ITGA9: variants seen among roughly 807,000 people sequenced by gnomAD.
The protein encoded by ITGA9 is integrin subunit alpha 9.
A neutral mutation model predicts 127.8 loss-of-function variants in ITGA9; 56 were observed. That is an observed-to-expected ratio of 0.44 (90% CI 0.35 to 0.55). ITGA9 has a LOEUF of 0.55. Among genes scored for constraint, ITGA9 ranks in the 20% least tolerant of loss-of-function variants. The pLI, the probability that ITGA9 is intolerant of heterozygous loss-of-function variation, is 0.00. For synonymous variants in ITGA9, 508 were observed against 514.5 expected, an observed-to-expected ratio of 0.99 and a Z score of 0.17; for missense variants, 1,196 against 1,347.1, an observed-to-expected ratio of 0.89 and a Z score of 1.76.
At chr3:37,569,062 T>C (rs557876417) in intron 15 of ITGA9, among the ~76,000 whole-genome samples, 4 of 152,318 alleles carry the variant, frequency 2.6e-5, no homozygotes, top group African/African-American at 9.6e-5. Context: ...AGTCCATTTT[T>C]ACACTGCTGA....
At chr3:37,515,747 A>G (rs1373385652) in intron 9 of ITGA9, among the ~76,000 whole-genome samples, 1 of 152,148 alleles carries the variant, frequency 6.6e-6, no homozygotes. Context: ...CAGTTAGTCA[A>G]CAAGCCAACA....
chr3:37,727,992 C>G (rs528637346), intron 18 of ITGA9, among the ~76,000 whole-genome samples: 119 of 152,312 alleles, frequency 7.8e-4, no homozygotes, highest in African/African-American at 2.6e-3. Context: ...CTGCTTCACT[C>G]TGTATTTGAT....
intron 16 of ITGA9, among the ~76,000 whole-genome samples, chr3:37,632,844 G>A (rs898877567): frequency 6.6e-6 from 1 of 152,170 alleles, no homozygotes; most frequent in Non-Finnish European, 1.5e-5. Context: ...TGTTCTGAGG[G>A]AAAATGATTT....
Position 37,819,259 on chromosome 3 carries a change from C to T in ITGA9, c.*270C>T. 3.8e-6 allele frequency: 2 copies of T among 532,898 alleles called. No homozygotes were observed. Among genetic ancestry groups the T allele is most frequent in the Non-Finnish European group, 6.7e-6 (2 of 296,926 alleles). 33.0% of individuals were successfully genotyped at this position (532,898 alleles called of 1,614,324 possible). Reference sequence around the variant, plus strand: ...GAGCAATATTTATGGATGCAACACGCATGGTCAACCCTCAGGGGAAAACTG... The same window carrying T: ...GAGCAATATTTATGGATGCAACACGTATGGTCAACCCTCAGGGGAAAACTG... On this transcript the variant is annotated 3_prime_UTR_variant, in exon 28 of 28. Transcript: ENST00000264741.
intron 1 of ITGA9, among the ~76,000 whole-genome samples, chr3:37,465,351 G>C (rs1387913360): frequency 6.6e-6 from 1 of 152,210 alleles, no homozygotes; most frequent in Non-Finnish European, 1.5e-5. Flanking sequence ...GGGAGCTCAG[G>C]AAGCAGCTTT....
chr3:37,810,696 G>A (rs1697358865), intron 27 of ITGA9, among the ~76,000 whole-genome samples: 1 of 152,072 alleles, frequency 6.6e-6, no homozygotes, highest in Non-Finnish European at 1.5e-5. Flanking sequence ...GATTACAGGT[G>A]TGAGCCACCA....
intron 26 of ITGA9, among the ~76,000 whole-genome samples, chr3:37,789,547 C>T (rs1355309991): frequency 3.3e-5 from 5 of 149,694 alleles, no homozygotes; most frequent in Non-Finnish European, 7.4e-5. Flanking sequence ...ACCACAAAGT[C>T]AGGAGATCGA....
intron 15 of ITGA9, among the ~76,000 whole-genome samples, chr3:37,567,838 A>G (rs979537067): frequency 6.6e-6 from 1 of 152,172 alleles, no homozygotes; most frequent in Admixed American, 6.5e-5. Context: ...GTGGCTTTGC[A>G]GGGTATAGCA....
intron 26 of ITGA9, among the ~76,000 whole-genome samples, chr3:37,797,490 T>G (rs1439744764): frequency 6.6e-6 from 1 of 152,206 alleles, no homozygotes; most frequent in Non-Finnish European, 1.5e-5. Flanking sequence ...TGATTAATTC[T>G]GCTGAAAACA....
chr3:37,818,251 CTTTTTTT>C (rs1165189273), intron 27 of ITGA9: 2 of 57,022 alleles, frequency 3.5e-5, no homozygotes, highest in African/African-American at 6.0e-5. Context: ...ACCATGAAAC[CTTTTTTT>C]TTTTTTTTTT....
intron 17 of ITGA9, among the ~76,000 whole-genome samples, chr3:37,666,697 G>T (rs1314948510): frequency 6.6e-6 from 1 of 152,160 alleles, no homozygotes; most frequent in Non-Finnish European, 1.5e-5. Context: ...GCTACATTCT[G>T]TTGATCAAAG....
intron 9 of ITGA9, among the ~76,000 whole-genome samples, chr3:37,516,969 C>T (rs1373801924): frequency 2.0e-5 from 3 of 152,142 alleles, no homozygotes; most frequent in Admixed American, 2.0e-4. Flanking sequence ...TGACGTCTGC[C>T]ATCACAGCCA....
At chr3:37,787,608 T>G (rs530346104) in intron 26 of ITGA9, among the ~76,000 whole-genome samples, 1 of 152,204 alleles carries the variant, frequency 6.6e-6, no homozygotes, top group African/African-American at 2.4e-5. Context: ...CTACAATCTG[T>G]TGTTCTCAAT....
intron 18 of ITGA9, among the ~76,000 whole-genome samples, chr3:37,688,070 A>C (rs946688110): frequency 8.5e-5 from 13 of 152,214 alleles, no homozygotes; most frequent in Non-Finnish European, 4.4e-5. Context: ...ATCATGGAGA[A>C]CCATTCCCTG....
At chr3:37,784,894 A>G (rs1396013916) in intron 25 of ITGA9, 83 bp from the exon 26 acceptor site, 4 of 1,162,936 alleles carry the variant, frequency 3.4e-6, no homozygotes, top group Admixed American at 1.8e-5. Flanking sequence ...GAATCATGGA[A>G]TTTCAGTTCT....
rs1463572452 is a variant in ITGA9 at position 37,513,808 on chromosome 3, G to A, written c.943G>A (p.Gly315Arg). The A allele has an allele frequency of 6.2e-7, 1 of 1,614,014 alleles. No individual in the cohort carries two copies. The highest frequency in any genetic ancestry group is 8.5e-7 in the Non-Finnish European group (1 of 1,180,036). The change falls in exon 9 of 28, where the codon GGG (glycine) becomes AGG (arginine). Residue 315 changes from glycine to arginine, a missense_variant. Coordinates refer to ENST00000264741, the MANE Select transcript of ITGA9 (RefSeq NM_002207.3). ...CTCCTTGTGCGCAGTTGACCTGAATGGGGACGGCCTCTCTGACCTGCTGGT... is the reference window on the plus strand; with the variant it reads ...CTCCTTGTGCGCAGTTGACCTGAATAGGGACGGCCTCTCTGACCTGCTGGT... ...GSSLCAVDLN[G>R]DGLSDLLVGA...
chr3:37,747,695 CTTAT>C (rs1332755944), intron 22 of ITGA9, among the ~76,000 whole-genome samples: 1 of 149,534 alleles, frequency 6.7e-6, no homozygotes, highest in African/African-American at 2.5e-5. Context: ...CTATATCTGG[CTTAT>C]TTCTTTCCTT....
At chr3:37,460,321 A>G (rs950915707) in intron 1 of ITGA9, among the ~76,000 whole-genome samples, 2 of 152,246 alleles carry the variant, frequency 1.3e-5, no homozygotes, top group Admixed American at 1.3e-4. Flanking sequence ...AATAAAAGGC[A>G]TGAATGGGTA....
intron 15 of ITGA9, among the ~76,000 whole-genome samples, chr3:37,615,394 C>T (rs1403823303): frequency 2.0e-5 from 3 of 152,084 alleles, no homozygotes; most frequent in African/African-American, 2.4e-5. Flanking sequence ...ATTTTTACAT[C>T]GATGTTCATC....
Sources: gnomAD v4.1 joint callset for allele counts (sites outside exome capture counted in the v4.1 genomes callset) on GRCh38, gnomAD v4.1.1 for gene constraint, MANE v1.5 for transcripts, NCBI Gene and HGNC (gene_info 2026-07-23, HGNC 2026-07-21) for gene names.